Variants in RNF157 observed in about 807,000 individuals in gnomAD.
RNF157 encodes ring finger protein 157.
Under a neutral mutation model 88.3 loss-of-function variants are expected in RNF157, and 55 were observed. That is an observed-to-expected ratio of 0.62 (90% CI 0.50 to 0.78). RNF157 has a LOEUF of 0.78. Ranked by LOEUF, RNF157 falls within the 30% of genes least tolerant of loss-of-function variation. The probability of loss-of-function intolerance (pLI) is 0.00; values close to 1 mark genes in which losing one functional copy is unlikely to be tolerated. For missense variants in RNF157, 788 were observed against 860.8 expected (o/e 0.92, Z 1.06); for synonymous variants, 334 against 341.2 (o/e 0.98, Z 0.23).
At chr17:76,180,824 G>A (rs546913451) in intron 2 of RNF157, among the ~76,000 whole-genome samples, 13 of 152,158 alleles carry the variant, frequency 8.5e-5, no homozygotes, top group East Asian at 1.9e-4. Context: ...ATTCACATTC[G>A]CATTATCGTG....
At chr17:76,211,275 T>C (rs1020745341) in intron 2 of RNF157, among the ~76,000 whole-genome samples, 3 of 152,232 alleles carry the variant, frequency 2.0e-5, no homozygotes, top group Non-Finnish European at 2.9e-5. Context: ...TGTGCCGTGC[T>C]CTACTCCTGG....
intron 2 of RNF157, among the ~76,000 whole-genome samples, chr17:76,186,926 T>TTTC (rs1449861450): frequency 6.7e-6 from 1 of 149,290 alleles, no homozygotes; most frequent in Non-Finnish European, 1.5e-5. Context: ...GGTGACAGAA[T>TTTC]GAGACTCCGA....
chr17:76,174,173 C>T (rs2069066808), intron 2 of RNF157, among the ~76,000 whole-genome samples: 1 of 152,130 alleles, frequency 6.6e-6, no homozygotes, highest in East Asian at 1.9e-4. Flanking sequence ...CGACAGGGAA[C>T]CAGACCTGCA....
intron 8 of RNF157, 165 bp from the exon 9 acceptor site, chr17:76,162,788 T>C (rs1255859440): frequency 1.9e-6 from 1 of 514,562 alleles, no homozygotes; most frequent in Admixed American, 3.8e-5. Context: ...TTTACTTATG[T>C]TTTCTCTTTG....
intron 2 of RNF157, among the ~76,000 whole-genome samples, chr17:76,192,933 T>C (rs2069411275): frequency 6.6e-6 from 1 of 151,080 alleles, no homozygotes; most frequent in South Asian, 2.1e-4. Context: ...CAGGCTCAAG[T>C]GATTCTCCCA....
chr17:76,174,382 T>C (rs189837787), intron 2 of RNF157, among the ~76,000 whole-genome samples: 2 of 152,222 alleles, frequency 1.3e-5, no homozygotes, highest in Non-Finnish European at 2.9e-5. Flanking sequence ...TATGGTTGTC[T>C]TCATCATTTA....
chr17:76,152,298 G>A (rs1299381675), intron 18 of RNF157, 57 bp downstream of exon 18: 2 of 1,114,784 alleles, frequency 1.8e-6, no homozygotes, highest in African/African-American at 1.5e-5. Flanking sequence ...TGAGAGCAGG[G>A]GTAAGAGCAC....
chr17:76,201,626 T>A (rs1358763116), intron 2 of RNF157, among the ~76,000 whole-genome samples: 2 of 152,180 alleles, frequency 1.3e-5, no homozygotes, highest in Non-Finnish European at 2.9e-5. Context: ...TAATAGTATA[T>A]TTGTGTAGCT....
rs2068575245 is a variant in RNF157 at position 76,145,739 on chromosome 17, G to C, written c.1922-386C>G. ...GGGCCTTGCTGAGCTATTTTCATTG[G>C]GGCAGGAAGAGGTGGGGGGAAGTGA... On this transcript the variant is annotated intron_variant, in intron 18 of 18. Coordinates refer to ENST00000269391, the MANE Select transcript of RNF157 (RefSeq NM_052916.3). 2.0e-5 allele frequency among the ~76,000 whole-genome samples: 3 copies of C among 152,300 alleles called. No individual in the cohort carries two copies. In the South Asian group the frequency reaches 6.2e-4, roughly 32 times the overall value.
intron 3 of RNF157, among the ~76,000 whole-genome samples, chr17:76,171,831 C>A (rs1340064860): frequency 6.6e-6 from 1 of 152,190 alleles, no homozygotes; most frequent in Non-Finnish European, 1.5e-5. Flanking sequence ...GTTCTTCTAG[C>A]GCATGACAGC....
chr17:76,209,515 C>T (rs367552555), intron 2 of RNF157, among the ~76,000 whole-genome samples: 6 of 150,780 alleles, frequency 4.0e-5, no homozygotes, highest in East Asian at 3.9e-4. Context: ...CATCAGCTAT[C>T]GTTACTGCTA....
chr17:76,167,217 C>G, intron 4 of RNF157, 91 bp from the exon 5 acceptor site: 1 of 910,036 alleles, frequency 1.1e-6, no homozygotes, highest in South Asian at 1.4e-5. Context: ...TCTCAATTAT[C>G]AACAGGGTCT....
At chr17:76,219,631 T>C (rs1218881145) in intron 1 of RNF157, among the ~76,000 whole-genome samples, 2 of 152,128 alleles carry the variant, frequency 1.3e-5, no homozygotes, top group Admixed American at 1.3e-4. Flanking sequence ...TTTACATAAT[T>C]ATAAAATTAA....
intron 3 of RNF157, among the ~76,000 whole-genome samples, chr17:76,168,056 C>T (rs373250104): frequency 8.6e-4 from 131 of 152,228 alleles, no homozygotes; most frequent in African/African-American, 3.1e-3. Context: ...TTATTAATCA[C>T]ATAGTTTAAA....
intron 11 of RNF157, 62 bp from the exon 12 acceptor site, chr17:76,159,635 A>G: frequency 8.4e-7 from 1 of 1,195,846 alleles, no homozygotes; most frequent in Non-Finnish European, 1.2e-6. Context: ...TGACGTGATC[A>G]TGCTACTTCT....
intron 13 of RNF157, among the ~76,000 whole-genome samples, chr17:76,156,752 G>A (rs770103927): frequency 7.9e-5 from 12 of 152,158 alleles, no homozygotes. Flanking sequence ...CTGCCCAGCT[G>A]CTTTCTGATA....
chr17:76,206,349 A>G (rs2069682405), intron 2 of RNF157, among the ~76,000 whole-genome samples: 1 of 152,230 alleles, frequency 6.6e-6, no homozygotes, highest in Non-Finnish European at 1.5e-5. Context: ...TCAATAAAGG[A>G]GCAGAAAAGC....
intron 2 of RNF157, among the ~76,000 whole-genome samples, chr17:76,190,543 C>T (rs553369097): frequency 5.3e-5 from 8 of 149,552 alleles, no homozygotes; most frequent in African/African-American, 1.7e-4. Context: ...GTCAAAGCTG[C>T]AGTGAGCCAT....
At chr17:76,212,270 A>G (rs1380581759) in intron 2 of RNF157, 94 bp downstream of exon 2, 1 of 845,420 alleles carries the variant, frequency 1.2e-6, no homozygotes, top group Non-Finnish European at 2.0e-6. Context: ...CCAAGCTACA[A>G]ACTGCTGAAC....
Sources: gnomAD v4.1 joint callset for allele counts (sites outside exome capture counted in the v4.1 genomes callset) on GRCh38, gnomAD v4.1.1 for gene constraint, MANE v1.5 for transcripts, NCBI Gene and HGNC (gene_info 2026-07-23, HGNC 2026-07-21) for gene names.